The following COL15A1 variants were observed in gnomAD, a reference collection of about 807,000 sequenced individuals.
COL15A1 encodes the protein collagen alpha-1(XV) chain.
In COL15A1, 111 loss-of-function variants were observed where a neutral mutation model predicts 165.9. The observed-to-expected ratio is 0.67, with a 90% CI of 0.57 to 0.78. COL15A1 has a LOEUF of 0.78. Ranked by LOEUF, COL15A1 falls within the 30% of genes least tolerant of loss-of-function variation. The pLI is 0.00. For missense variants in COL15A1, 1,745 were observed against 1,789.7 expected (o/e 0.98, Z 0.45); for synonymous variants, 659 against 674.8 (o/e 0.98, Z 0.36).
intron 5 of COL15A1, among the ~76,000 whole-genome samples, chr9:98,994,148 T>G (rs10988507): frequency 0.11 from 15,889 of 142,822 alleles, 1,040 homozygotes; most frequent in East Asian, 0.26. Context: ...GGGGAGGCAC[T>G]GTGTTGGGGG....
rs1839093545 is a variant in COL15A1 at position 99,024,879 on chromosome 9, T to G, written c.1860T>G (p.Pro620=). Residue 620 remains proline (P), a synonymous_variant, in exon 15 of 42, where the codon CCT becomes CCG. Coordinates refer to ENST00000375001, the MANE Select transcript of COL15A1 (RefSeq NM_001855.5). The part of the protein sequence containing the change: ...LVGSEQLLRG[P]PGPPGPPGLP... ...CAGAGTCTTTGTGTTTTTAGGGTCC[T>G]CCAGGACCCCCAGGGCCACCTGGCT... is the stretch of plus-strand genomic sequence containing the variant. 10 of 1,613,560 alleles carry G rather than the reference T, an allele frequency of 6.2e-6. No individual in the cohort carries two copies. The East Asian group carries it at 2.0e-4, about 32-fold the overall frequency.
In COL15A1 at chr9:99,060,243, TATATATA is replaced by T. The variant is rs1174185584; in HGVS notation, c.3402+291_3402+297del. 4.3e-5 allele frequency among the ~76,000 whole-genome samples: 6 copies of T among 138,096 alleles called. No individual in the cohort carries two copies. The East Asian group carries it at 6.7e-4, about 15-fold the overall frequency. The allele number at this position is 138,096 out of a possible 152,430, so 90.6% of individuals were successfully genotyped here. ...TATTACTTATATATTTTTATATATA[TATATATA>T]TATATATTTTTTTTTTGCTGGATGA... On this transcript the variant is annotated intron_variant, in intron 36 of 41. Coordinates refer to ENST00000375001, the MANE Select transcript of COL15A1 (RefSeq NM_001855.5).
At chr9:99,047,872 G>T (rs754735099) in intron 27 of COL15A1, 33 bp downstream of exon 27, 1 of 1,612,648 alleles carries the variant, frequency 6.2e-7, no homozygotes, top group Admixed American at 1.7e-5. Context: ...CAGGCTGGAG[G>T]GGGAGGACAC....
intron 22 of COL15A1, 99 bp from the exon 23 acceptor site, chr9:99,040,422 C>T (rs972851898): frequency 6.3e-7 from 1 of 1,583,798 alleles, no homozygotes; most frequent in Non-Finnish European, 8.7e-7. Context: ...GCTGTGGGAA[C>T]ATGCTGAGGC....
intron 22 of COL15A1, among the ~76,000 whole-genome samples, chr9:99,039,638 C>T (rs1048075987): frequency 6.6e-6 from 1 of 152,236 alleles, no homozygotes; most frequent in Non-Finnish European, 1.5e-5. Flanking sequence ...CTCATTGCAT[C>T]TCCCAGCATC....
intron 30 of COL15A1, 42 bp from the exon 31 acceptor site, chr9:99,052,346 G>T (rs1029685096): frequency 6.7e-7 from 1 of 1,502,978 alleles, no homozygotes; most frequent in Non-Finnish European, 9.3e-7. Flanking sequence ...AAACACCACG[G>T]CAGAGCTTGC....
chr9:98,953,627 G>A (rs1837726957), intron 2 of COL15A1, among the ~76,000 whole-genome samples: 1 of 152,102 alleles, frequency 6.6e-6, no homozygotes, highest in Non-Finnish European at 1.5e-5. Context: ...ACAGAACAGG[G>A]CAAAAAACTA....
chr9:98,955,137 G>A (rs1250151907), intron 2 of COL15A1, among the ~76,000 whole-genome samples: 3 of 152,248 alleles, frequency 2.0e-5, no homozygotes, highest in Non-Finnish European at 4.4e-5. Flanking sequence ...ATAAGGTCCA[G>A]ACACCAGCAG....
At chr9:99,061,456 G>A (rs1461795850) in intron 36 of COL15A1, among the ~76,000 whole-genome samples, 2 of 152,268 alleles carry the variant, frequency 1.3e-5, no homozygotes, top group Non-Finnish European at 2.9e-5. Context: ...TTTCTATCAT[G>A]CATTTAATGT....
intron 2 of COL15A1, among the ~76,000 whole-genome samples, chr9:98,945,726 G>A (rs151262393): frequency 4.2e-4 from 64 of 152,368 alleles, no homozygotes; most frequent in Non-Finnish European, 1.0e-4. Context: ...CATGGCTCAT[G>A]TCAGAAAGTT....
At chr9:98,993,295 A>T (rs936132268) in intron 5 of COL15A1, among the ~76,000 whole-genome samples, 1 of 152,182 alleles carries the variant, frequency 6.6e-6, no homozygotes, top group South Asian at 2.1e-4. Context: ...TGTGTCAGAG[A>T]GCAGCTCAGT....
chr9:99,047,780 C>G lies in COL15A1; in HGVS notation c.2680-6C>G, dbSNP rs745386281. On this transcript the variant is annotated splice_region_variant and splice_polypyrimidine_tract_variant and intron_variant, in intron 26 of 41. Coordinates refer to ENST00000375001, the MANE Select transcript of COL15A1 (RefSeq NM_001855.5). ...TTTTCTAATCTGGCATTTGTTTTGCCTCTAGGGGCCCAAAGGACCACCAGG... is the reference window on the plus strand; with the variant it reads ...TTTTCTAATCTGGCATTTGTTTTGCGTCTAGGGGCCCAAAGGACCACCAGG... The G allele has an allele frequency of 6.2e-7, 1 of 1,614,058 alleles. No individual in the cohort carries two copies. The highest frequency in any genetic ancestry group is 2.2e-5 in the East Asian group (1 of 44,878).
intron 16 of COL15A1, among the ~76,000 whole-genome samples, chr9:99,028,815 A>G (rs965940252): frequency 1.3e-5 from 2 of 152,208 alleles, no homozygotes; most frequent in Non-Finnish European, 2.9e-5. Context: ...ACCAAATACC[A>G]TCTGTTCCCC....
Position 99,000,773 on chromosome 9 carries a change from G to C in COL15A1, c.953-66G>C, listed in dbSNP as rs1838636992. The C allele has an allele frequency of 8.7e-6, 7 of 808,640 alleles. No individual in the cohort carries two copies. In the African/African-American group the frequency reaches 1.2e-4, roughly 14 times the overall value. The allele number at this position is 808,640 out of a possible 1,614,324, so 50.1% of individuals were successfully genotyped here. ...ATCTTTCCAAGTTAGCTGGTGAAGA[G>C]ATACCTCATTCTTTTCCAAGACTGC... On this transcript the variant is annotated intron_variant, in intron 6 of 41. Coordinates refer to ENST00000375001, the MANE Select transcript of COL15A1 (RefSeq NM_001855.5).
intron 6 of COL15A1, 140 bp downstream of exon 6, chr9:98,997,221 AT>A: frequency 9.7e-7 from 1 of 1,035,260 alleles, no homozygotes; most frequent in Non-Finnish European, 1.4e-6. Flanking sequence ...AACCACCCTC[AT>A]TTTACAGACA....
At position 98,988,020 on chromosome 9, in the gene COL15A1, A is replaced by G. The variant is rs547797634; in HGVS notation, c.723+652A>G. On this transcript the variant is annotated intron_variant, in intron 4 of 41. Transcript: ENST00000375001. ...GAGGAAAGAGGAGGAACTTGAAGCC[A>G]GTTAGGGAGCAGGTGATGCCTGACC... Among the ~76,000 whole-genome samples the G allele has an allele frequency of 3.5e-4, 53 of 152,350 alleles. No homozygotes were observed. In the South Asian group the frequency reaches 7.7e-3, roughly 22 times the overall value.
chr9:98,997,106 G>A lies in COL15A1; in HGVS notation c.952+25G>A, dbSNP rs112247438. The A allele has an allele frequency of 9.9e-5, 159 of 1,613,392 alleles. No homozygotes were observed. In the African/African-American group the frequency reaches 1.0e-3, roughly 11 times the overall value. ...GGCAAGTCCGGATGCACATGCCTACGTAGTGGCCTTTTATTGGGTGATTAC... is the reference window on the plus strand; with the variant it reads ...GGCAAGTCCGGATGCACATGCCTACATAGTGGCCTTTTATTGGGTGATTAC... On this transcript the variant is annotated intron_variant, in intron 6 of 41. Transcript: ENST00000375001.
rs1010837392 is a variant in COL15A1 at position 99,035,981 on chromosome 9, C to T, written c.2290-189C>T. ...CCCTCACCCAATGCTGGGAGAGGGC[C>T]GCTGATTCTCTCACTCTGTGGAGTG... On this transcript the variant is annotated intron_variant, in intron 19 of 41. Transcript: ENST00000375001. Among the ~76,000 whole-genome samples the T allele has an allele frequency of 2.0e-4, 30 of 152,198 alleles. 1 individual carries two copies. The highest frequency in any genetic ancestry group is 1.2e-3 in the Admixed American group (19 of 15,286).
chr9:98,976,743 A>T (rs1838147123), intron 2 of COL15A1, among the ~76,000 whole-genome samples: 1 of 152,170 alleles, frequency 6.6e-6, no homozygotes, highest in South Asian at 2.1e-4. Context: ...GGAGACAGGG[A>T]GAAGTGGACG....
Sources: allele counts gnomAD v4.1 joint callset (sites outside exome capture counted in the v4.1 genomes callset), GRCh38; gene constraint gnomAD v4.1.1; transcripts MANE v1.5; gene names NCBI Gene and HGNC (gene_info 2026-07-23, HGNC 2026-07-21).